The following ALS2 variants were observed in gnomAD, a reference collection of about 807,000 sequenced individuals.
The protein encoded by ALS2 is alsin.
ALS2 carries 117 observed loss-of-function variants against 203.4 expected under a neutral mutation model. That is an observed-to-expected ratio of 0.58 (90% CI 0.50 to 0.67). The LOEUF (loss-of-function observed/expected upper bound fraction) is 0.67, where lower values mean the gene tolerates loss of function less well. Ranked by LOEUF, ALS2 falls within the 30% of genes least tolerant of loss-of-function variation. The pLI, the probability that ALS2 is intolerant of heterozygous loss-of-function variation, is 0.00. For synonymous variants in ALS2, 718 were observed against 725.9 expected (o/e 0.99, Z 0.17); for missense variants, 1,715 against 1,989.4 (o/e 0.86, Z 2.62).
chr2:201,727,657 G>C, intron 16 of ALS2, 48 bp downstream of exon 16: 1 of 1,501,634 alleles, frequency 6.7e-7, no homozygotes, highest in African/African-American at 1.4e-5. Context: ...GAAGCAACCT[G>C]GGTAACAGAC....
At chr2:201,723,485 A>C (rs1690950373) in intron 21 of ALS2, 44 bp from the exon 22 acceptor site, 1 of 1,512,056 alleles carries the variant, frequency 6.6e-7, no homozygotes, top group Non-Finnish European at 9.2e-7. Context: ...GAAGATAAGG[A>C]TAAAGTAGGG....
intron 21 of ALS2, 71 bp from the exon 22 acceptor site, chr2:201,723,512 A>G: frequency 7.7e-7 from 1 of 1,300,058 alleles, no homozygotes; most frequent in Non-Finnish European, 1.1e-6. Context: ...CAATTATCAC[A>G]TGGGAGATCC....
chr2:201,744,556 G>T, intron 9 of ALS2, 127 bp from the exon 10 acceptor site: 2 of 1,009,038 alleles, frequency 2.0e-6, no homozygotes, highest in Non-Finnish European at 3.0e-6. Context: ...TTGCAAGCAA[G>T]TAATTAAACC....
At chr2:201,725,114 A>T (rs1337731077) in intron 20 of ALS2, among the ~76,000 whole-genome samples, 1 of 147,222 alleles carries the variant, frequency 6.8e-6, no homozygotes, top group East Asian at 1.9e-4. Context: ...CTTCATCTCA[A>T]AAAAAAAAAA....
chr2:201,725,726 G>A (rs1037237585), intron 19 of ALS2, among the ~76,000 whole-genome samples: 2 of 152,132 alleles, frequency 1.3e-5, no homozygotes, highest in African/African-American at 2.4e-5. Context: ...ACCTATCTCT[G>A]TCACTAATTA....
intron 1 of ALS2, among the ~76,000 whole-genome samples, chr2:201,773,311 C>A (rs1002526039): frequency 2.0e-5 from 3 of 152,138 alleles, no homozygotes; most frequent in Non-Finnish European, 2.9e-5. Flanking sequence ...AGGAAGGAAG[C>A]CTGGGTTCTT....
chr2:201,702,746 TA>T (rs1171055252), intron 33 of ALS2, among the ~76,000 whole-genome samples: 80 of 152,246 alleles, frequency 5.3e-4, no homozygotes, highest in Non-Finnish European at 7.3e-4. Flanking sequence ...TCAAATAACA[TA>T]AACACTAATA....
chr2:201,777,607 C>T (rs1177101031), intron 1 of ALS2, among the ~76,000 whole-genome samples: 1 of 152,050 alleles, frequency 6.6e-6, no homozygotes, highest in Non-Finnish European at 1.5e-5. Flanking sequence ...GGCTTCAGCT[C>T]TTTTTTAAAA....
Position 201,768,953 on chromosome 2 carries a change from G to C in ALS2, c.-60-8C>G. ...CAGAAAGTCTATCAAGACCTAAACA[G>C]TACAAGTAAGGAAAAGAGCAGTAAA... On this transcript the variant is annotated splice_polypyrimidine_tract_variant and splice_region_variant and intron_variant, in intron 1 of 33. Transcript: ENST00000264276. 1.4e-6 allele frequency: 2 copies of C among 1,424,830 alleles called. No individual in the cohort carries two copies. 88.3% of individuals were successfully genotyped at this position (1,424,830 alleles called of 1,614,324 possible). A position where few individuals can be genotyped will look rare whatever the true frequency, so the allele number is the denominator to read the frequency against.
chr2:201,713,133 C>CTTTTTTTTTTTTT (rs35807671), intron 25 of ALS2, among the ~76,000 whole-genome samples: 3 of 96,268 alleles, frequency 3.1e-5, no homozygotes, highest in Non-Finnish European at 4.1e-5. Flanking sequence ...CTTTTCTTTT[C>CTTTTTTTTTTTTT]TTTTTTTTTT....
chr2:201,744,185 A>T (rs1157728127), intron 10 of ALS2, 73 bp downstream of exon 10: 3 of 1,499,662 alleles, frequency 2.0e-6, no homozygotes, highest in African/African-American at 2.8e-5. Flanking sequence ...ACAGGTTTTC[A>T]TTATTTGTGA....
chr2:201,767,893 A>G (rs565865456), intron 2 of ALS2, among the ~76,000 whole-genome samples: 2 of 150,250 alleles, frequency 1.3e-5, no homozygotes, highest in East Asian at 3.9e-4. Context: ...AAAAGACTGA[A>G]GGACACTCTA....
intron 1 of ALS2, among the ~76,000 whole-genome samples, chr2:201,772,068 C>T (rs1189926597): frequency 1.3e-5 from 2 of 152,182 alleles, no homozygotes; most frequent in Non-Finnish European, 2.9e-5. Context: ...ACCACTCTAT[C>T]CTTCAAATTA....
Position 201,742,863 on chromosome 2 carries a change from G to A in ALS2, c.2171-1009C>T, listed in dbSNP as rs112704756. ...GAGGCAGGCAGATCACTTAAGGCCA[G>A]GAGTACAAGACCAGCCTGGGAAACA... On this transcript the variant is annotated intron_variant, in intron 10 of 33. Coordinates refer to ENST00000264276, the MANE Select transcript of ALS2 (RefSeq NM_020919.4). Among the ~76,000 whole-genome samples the A allele has an allele frequency of 6.0e-3, 921 of 152,234 alleles. 9 individuals carry two copies. Among genetic ancestry groups the A allele is most frequent in the African/African-American group, 0.021 (875 of 41,530 alleles).
In ALS2 at chr2:201,725,471, A is replaced by C. The variant is rs1691109692; in HGVS notation, c.3249-17T>G. The C allele has an allele frequency of 6.3e-7, 1 of 1,589,024 alleles. No individual in the cohort carries two copies. The highest frequency in any genetic ancestry group is 1.7e-5 in the Admixed American group (1 of 59,968). ...TCTCCATACCTGCCATGAAAAAGAA[A>C]AAATAACAAAAGAAGATGCATTTAT... On this transcript the variant is annotated splice_polypyrimidine_tract_variant and intron_variant, in intron 19 of 33. Transcript: ENST00000264276.
At chr2:201,760,387 A>G (rs1263398455) in intron 4 of ALS2, 2 of 987,326 alleles carry the variant, frequency 2.0e-6, no homozygotes, top group East Asian at 1.1e-4. Flanking sequence ...GCTATAATTG[A>G]AAAAAACTGA....
chr2:201,709,283 C>A (rs1689894851), intron 27 of ALS2, among the ~76,000 whole-genome samples: 1 of 152,144 alleles, frequency 6.6e-6, no homozygotes, highest in Non-Finnish European at 1.5e-5. Context: ...TACTCTTTCC[C>A]TTTATTTTTC....
At position 201,726,760 on chromosome 2, in the gene ALS2, G is replaced by C. The variant is rs1691189568; in HGVS notation, c.3086C>G (p.Pro1029Arg). The C allele has an allele frequency of 1.9e-6, 3 of 1,614,124 alleles. No individual in the cohort carries two copies. The highest frequency in any genetic ancestry group is 2.5e-6 in the Non-Finnish European group (3 of 1,180,012). The stretch of plus-strand genomic sequence containing the variant: ...AGTATATTTGGCACTGCGTGAAATG[G>C]GTGGTTCCTGTCTCTGAACACTGCT... ...SGSSVQRQEP[P>R]ISRSAKYTFY... The change falls in exon 18 of 34, where the codon CCC (proline) becomes CGC (arginine). Residue 1029 changes from proline (P) to arginine (R), a missense_variant. This residue lies in a region of ALS2 where 1,227 missense variants were observed against 1,413.5 expected (regional missense o/e 0.87). Coordinates refer to ENST00000264276, the MANE Select transcript of ALS2 (RefSeq NM_020919.4).
At chr2:201,733,554 G>A in intron 12 of ALS2, 116 bp from the exon 13 acceptor site, 2 of 883,724 alleles carry the variant, frequency 2.3e-6, no homozygotes, top group Non-Finnish European at 3.5e-6. Flanking sequence ...TTTAGGTGCT[G>A]TGAAAGTAGA....
Sources: gnomAD v4.1 joint callset for allele counts (sites outside exome capture counted in the v4.1 genomes callset) on GRCh38, gnomAD v4.1.1 for gene constraint, gnomAD v4.1.1 regional missense constraint, MANE v1.5 for transcripts, NCBI Gene and HGNC (gene_info 2026-07-23, HGNC 2026-07-21) for gene names.